Variants in MCMDC2 observed in about 807,000 individuals in gnomAD.
The protein encoded by MCMDC2 is minichromosome maintenance domain containing 2.
MCMDC2 carries 54 observed loss-of-function variants against 75.8 expected under a neutral mutation model. That is an observed-to-expected ratio of 0.71 (90% CI 0.57 to 0.89). The LOEUF (loss-of-function observed/expected upper bound fraction) is 0.89, where lower values mean the gene tolerates loss of function less well. Ranked by LOEUF, MCMDC2 falls within the 40% of genes least tolerant of loss-of-function variation. The probability of loss-of-function intolerance (pLI) is 0.00; values close to 1 mark genes in which losing one functional copy is unlikely to be tolerated. For missense variants in MCMDC2, 656 were observed against 780.4 expected (o/e 0.84, Z 1.90); for synonymous variants, 249 against 274.6 (o/e 0.91, Z 0.92).
intron 14 of MCMDC2, among the ~76,000 whole-genome samples, chr8:66,915,050 C>G (rs2130870274): frequency 6.6e-6 from 1 of 152,206 alleles, no homozygotes. Context: ...ATTCTATAGG[C>G]TGAGCACAGT....
chr8:66,889,074 C>T (rs1317472189), intron 9 of MCMDC2, among the ~76,000 whole-genome samples: 6 of 152,162 alleles, frequency 3.9e-5, no homozygotes, highest in South Asian at 4.1e-4. Flanking sequence ...ATAGAACATG[C>T]GCTAGATATA....
intron 14 of MCMDC2, among the ~76,000 whole-genome samples, chr8:66,906,966 C>CCATG (rs1812930027): frequency 6.6e-6 from 1 of 151,958 alleles, no homozygotes; most frequent in South Asian, 2.1e-4. Context: ...TGGGGTTTCT[C>CCATG]CATGTTGGTC....
rs185238955 is a variant in MCMDC2, at chr8:66,907,644, G to C, written c.1879+2309G>C. Among the ~76,000 whole-genome samples the C allele has an allele frequency of 1.0e-3, 152 of 152,270 alleles. 1 individual carries two copies. The highest frequency in any genetic ancestry group is 3.6e-3 in the Admixed American group (55 of 15,284). On this transcript the variant is annotated intron_variant, in intron 14 of 14. Coordinates refer to ENST00000422365, the MANE Select transcript of MCMDC2 (RefSeq NM_173518.5). ...TCTGGTTCTAGATCCTTGAGGAATCGCCACACTGTCTTTCACAATGTTTGA... is the reference window on the plus strand; with the variant it reads ...TCTGGTTCTAGATCCTTGAGGAATCCCCACACTGTCTTTCACAATGTTTGA...
At chr8:66,894,538 T>A (rs2130830817) in intron 10 of MCMDC2, among the ~76,000 whole-genome samples, 1 of 152,364 alleles carries the variant, frequency 6.6e-6, no homozygotes, top group South Asian at 2.1e-4. Context: ...GCATTTCCAC[T>A]GTCCTGGTAA....
chr8:66,889,827 C>T (rs1000009447), intron 9 of MCMDC2, among the ~76,000 whole-genome samples: 8 of 152,020 alleles, frequency 5.3e-5, no homozygotes, highest in Non-Finnish European at 8.8e-5. Flanking sequence ...AGAGCCTTGG[C>T]GACTGAGAGA....
intron 10 of MCMDC2, among the ~76,000 whole-genome samples, chr8:66,891,971 A>G (rs192778769): frequency 6.6e-5 from 10 of 152,296 alleles, no homozygotes; most frequent in African/African-American, 2.4e-4. Flanking sequence ...AAACTTGGAG[A>G]TACCAGCAAC....
Position 66,918,997 on chromosome 8 carries a change from A to C in MCMDC2, c.1880-6A>C. On this transcript the variant is annotated splice_region_variant and splice_polypyrimidine_tract_variant and intron_variant, in intron 14 of 14. Coordinates refer to ENST00000422365, the MANE Select transcript of MCMDC2 (RefSeq NM_173518.5). Reference sequence around the variant, plus strand: ...TCATTTACACTCTATTATCTTCTTCATTTAGGGGCCACTGTATTTTGTGTT... The same window carrying C: ...TCATTTACACTCTATTATCTTCTTCCTTTAGGGGCCACTGTATTTTGTGTT... The C allele has an allele frequency of 6.7e-7, 1 of 1,501,974 alleles. No individual in the cohort carries two copies. The highest frequency in any genetic ancestry group is 1.7e-4 in the Middle Eastern group (1 of 5,830). 93.0% of individuals were successfully genotyped at this position (1,501,974 alleles called of 1,614,324 possible). A position where few individuals can be genotyped will look rare whatever the true frequency, so the allele number is the denominator to read the frequency against.
chr8:66,879,937 G>A (rs1340440259), intron 7 of MCMDC2, among the ~76,000 whole-genome samples: 1 of 152,184 alleles, frequency 6.6e-6, no homozygotes. Flanking sequence ...TCTTCACAGA[G>A]ATAAGTTAAC....
chr8:66,892,550 C>T (rs529052873), intron 10 of MCMDC2, among the ~76,000 whole-genome samples: 13 of 152,284 alleles, frequency 8.5e-5, no homozygotes, highest in African/African-American at 2.9e-4. Flanking sequence ...GGCGGGTAGT[C>T]CCAACCTGTG....
chr8:66,888,869 T>A (rs1452056699), intron 9 of MCMDC2, among the ~76,000 whole-genome samples: 2 of 152,212 alleles, frequency 1.3e-5, no homozygotes, highest in African/African-American at 4.8e-5. Context: ...TATTTATCAC[T>A]GTGTCTCACC....
chr8:66,925,732 C>T (rs1352060176), downstream of MCMDC2: 1 of 152,432 alleles, frequency 6.6e-6, no homozygotes, highest in African/African-American at 2.4e-5. Flanking sequence ...GTGTGCCACA[C>T]AGCAAGTTTA....
At chr8:66,887,966 C>T (rs1259724903) in intron 9 of MCMDC2, among the ~76,000 whole-genome samples, 3 of 152,102 alleles carry the variant, frequency 2.0e-5, no homozygotes, top group Non-Finnish European at 4.4e-5. Flanking sequence ...TACTACACTC[C>T]CTTGATTATT....
At chr8:66,891,188 G>C (rs1236654149) in intron 10 of MCMDC2, 118 bp downstream of exon 10, 2 of 894,770 alleles carry the variant, frequency 2.2e-6, no homozygotes, top group African/African-American at 3.5e-5. Context: ...AATTATGTTA[G>C]ATGGCATTTC....
chr8:66,919,391 A>C lies in MCMDC2; in HGVS notation c.*222A>C. The C allele has an allele frequency of 3.1e-6, 1 of 324,112 alleles. No homozygotes were observed. The highest frequency in any genetic ancestry group is 5.6e-6 in the Non-Finnish European group (1 of 179,834). 20.1% of individuals were successfully genotyped at this position (324,112 alleles called of 1,614,324 possible). A position where few individuals can be genotyped will look rare whatever the true frequency, so the allele number is the denominator to read the frequency against. On this transcript the variant is annotated 3_prime_UTR_variant, in exon 15 of 15. Coordinates refer to ENST00000422365, the MANE Select transcript of MCMDC2 (RefSeq NM_173518.5). ...CAACAGAATTTTAAAACTTAGAACA[A>C]TGTGGACAATTTAAAGTGATAAAGT... is the stretch of plus-strand genomic sequence containing the variant.
At chr8:66,884,864 C>T (rs556606748) in intron 9 of MCMDC2, among the ~76,000 whole-genome samples, 1 of 152,170 alleles carries the variant, frequency 6.6e-6, no homozygotes, top group South Asian at 2.1e-4. Flanking sequence ...ACAGCCTCAA[C>T]CTCCTGGGCT....
In MCMDC2 at chr8:66,901,363, C is replaced by G. The variant is rs1275116057; in HGVS notation, c.1769+15C>G. 2 of 1,585,272 alleles carry G rather than the reference C, an allele frequency of 1.3e-6. No individual in the cohort carries two copies. Among genetic ancestry groups the G allele is most frequent in the East Asian group, 2.3e-5 (1 of 44,438 alleles). Reference sequence around the variant, plus strand: ...TTAAAATATCTGTAGGTATTCAATTCAAGATTTTAAAATCAGCATTGAGTT... The same window carrying G: ...TTAAAATATCTGTAGGTATTCAATTGAAGATTTTAAAATCAGCATTGAGTT... On this transcript the variant is annotated intron_variant, in intron 13 of 14. Transcript: ENST00000422365.
chr8:66,905,443 A>G (rs1812867956), intron 14 of MCMDC2, 108 bp downstream of exon 14: 4 of 995,630 alleles, frequency 4.0e-6, no homozygotes, highest in Admixed American at 8.6e-5. Context: ...ATATTATTTT[A>G]AAGAATAACA....
chr8:66,922,899 C>T (rs1482638691), downstream of MCMDC2, among the ~76,000 whole-genome samples: 1 of 152,186 alleles, frequency 6.6e-6, no homozygotes, highest in Non-Finnish European at 1.5e-5. Context: ...ATTCTATTAC[C>T]TGTTTCTGCT....
chr8:66,904,392 A>C (rs1355323041), intron 13 of MCMDC2, among the ~76,000 whole-genome samples: 1 of 152,204 alleles, frequency 6.6e-6, no homozygotes, highest in East Asian at 1.9e-4. Flanking sequence ...ACAGAACAAG[A>C]GACCTGTGGG....
Sources: gnomAD v4.1 joint callset for allele counts (sites outside exome capture counted in the v4.1 genomes callset) on GRCh38, gnomAD v4.1.1 for gene constraint, MANE v1.5 for transcripts, NCBI Gene and HGNC (gene_info 2026-07-23, HGNC 2026-07-21) for gene names.